Variants in LRRIQ3 observed in about 807,000 individuals in gnomAD.
LRRIQ3 encodes leucine rich repeats and IQ motif containing 3, also known as leucine-rich repeat and IQ domain-containing protein 3.
LRRIQ3 carries 75 observed loss-of-function variants against 59.3 expected under a neutral mutation model. The observed-to-expected ratio is 1.26, with a 90% CI of 1.05 to 1.53. The LOEUF (loss-of-function observed/expected upper bound fraction) is 1.53. Among genes scored for constraint, LRRIQ3 ranks in the 40% most tolerant of loss-of-function variants. The probability of loss-of-function intolerance (pLI) is 0.00; values close to 1 mark genes in which losing one functional copy is unlikely to be tolerated. For synonymous variants in LRRIQ3, 250 were observed against 231.3 expected (o/e 1.08, Z -0.73); for missense variants, 831 against 710.0 (o/e 1.17, Z -1.94).
chr1:74,151,297 A>G (rs1352351407), intron 4 of LRRIQ3, among the ~76,000 whole-genome samples: 21 of 151,956 alleles, frequency 1.4e-4, no homozygotes, highest in Non-Finnish European at 1.2e-4. Flanking sequence ...ACATGTAAAC[A>G]CTACTTTTTA....
chr1:74,047,890 T>G (rs1654251837), intron 6 of LRRIQ3, among the ~76,000 whole-genome samples: 1 of 152,152 alleles, frequency 6.6e-6, no homozygotes, highest in South Asian at 2.1e-4. Context: ...AATTTGGTCA[T>G]AAAGTGAAAC....
At chr1:74,041,177 A>T (rs753575110) in intron 7 of LRRIQ3, 36 bp downstream of exon 7, 1 of 1,442,942 alleles carries the variant, frequency 6.9e-7, no homozygotes, top group Non-Finnish European at 9.4e-7. Context: ...CATGTAATTG[A>T]CTTTAATGCC....
At position 74,032,104 on chromosome 1, in the gene LRRIQ3, TGATA is replaced by T. The variant is rs768646557; in HGVS notation, c.1719-5139_1719-5136del. On this transcript the variant is annotated intron_variant, in intron 7 of 7. Transcript: ENST00000354431. ...ACAATTAATATGCCAAGAGCCTCTA[TGATA>T]GAAATTAGAAATTAACATTTACATT... is the stretch of plus-strand genomic sequence containing the variant. Among the ~76,000 whole-genome samples the T allele has an allele frequency of 3.3e-5, 5 of 152,070 alleles. No individual in the cohort carries two copies. The East Asian group carries it at 9.6e-4, about 29-fold the overall frequency.
At chr1:74,114,786 A>T (rs1204215288) in intron 4 of LRRIQ3, among the ~76,000 whole-genome samples, 1 of 151,860 alleles carries the variant, frequency 6.6e-6, no homozygotes, top group African/African-American at 2.4e-5. Flanking sequence ...TACAATTAAA[A>T]ATCAATAAAG....
intron 3 of LRRIQ3, among the ~76,000 whole-genome samples, chr1:74,158,762 C>G (rs1381645020): frequency 1.3e-5 from 2 of 152,122 alleles, no homozygotes; most frequent in Non-Finnish European, 2.9e-5. Context: ...TTAAATAATA[C>G]TCTTGGATGC....
rs188908827 is a variant in LRRIQ3 at position 74,196,200 on chromosome 1, G to A, written c.-1+1796C>T. ...ATACTCTAATATTCTGTATGATACC[G>A]TCCTAGATCCAATAAATACTCTATT... On this transcript the variant is annotated intron_variant, in intron 1 of 7. Transcript: ENST00000354431. 1.3e-4 allele frequency among the ~76,000 whole-genome samples: 19 copies of A among 151,750 alleles called. No homozygotes were observed. In the East Asian group the frequency reaches 3.3e-3, roughly 26 times the overall value.
At chr1:74,165,567 C>A (rs771793123) in intron 3 of LRRIQ3, among the ~76,000 whole-genome samples, 3 of 151,386 alleles carry the variant, frequency 2.0e-5, no homozygotes. Context: ...AATTTCTTTT[C>A]CTTTTGTTTC....
chr1:74,067,144 G>A (rs1190419112), intron 6 of LRRIQ3, among the ~76,000 whole-genome samples: 5 of 152,114 alleles, frequency 3.3e-5, no homozygotes, highest in Non-Finnish European at 7.4e-5. Context: ...ATCCCATCAA[G>A]TCCAGAATCT....
At chr1:74,154,240 C>CAAAAAAAAAAAAAAAAAAAAAAAA (rs71078186) in intron 4 of LRRIQ3, among the ~76,000 whole-genome samples, 16 of 57,276 alleles carry the variant, frequency 2.8e-4, no homozygotes, top group Non-Finnish European at 3.3e-4. Context: ...GACTCCTTCT[C>CAAAAAAAAAAAAAAAAAAAAAAAA]AAAAAAAAAA....
chr1:74,053,567 C>T (rs983973603), intron 6 of LRRIQ3, among the ~76,000 whole-genome samples: 3 of 151,992 alleles, frequency 2.0e-5, no homozygotes, highest in Non-Finnish European at 2.9e-5. Flanking sequence ...CTGACTCACC[C>T]CTGTAATCTC....
At chr1:74,037,312 C>A (rs764302486) in intron 7 of LRRIQ3, among the ~76,000 whole-genome samples, 1 of 152,230 alleles carries the variant, frequency 6.6e-6, no homozygotes, top group Admixed American at 6.5e-5. Context: ...CCAAATCCTG[C>A]ACTGGCAACT....
At chr1:74,094,829 T>C (rs1450208210) in intron 5 of LRRIQ3, among the ~76,000 whole-genome samples, 1 of 152,138 alleles carries the variant, frequency 6.6e-6, no homozygotes, top group East Asian at 1.9e-4. Flanking sequence ...CATAAGCTTT[T>C]AGGTTTGCTC....
At chr1:74,060,508 T>C (rs1654692026) in intron 6 of LRRIQ3, among the ~76,000 whole-genome samples, 1 of 152,094 alleles carries the variant, frequency 6.6e-6, no homozygotes, top group Non-Finnish European at 1.5e-5. Flanking sequence ...CAGCACTGCT[T>C]TAGCTGAAAC....
At chr1:74,058,776 T>C (rs1489258599) in intron 6 of LRRIQ3, among the ~76,000 whole-genome samples, 1 of 152,098 alleles carries the variant, frequency 6.6e-6, no homozygotes, top group Non-Finnish European at 1.5e-5. Context: ...ATTCTAATTA[T>C]GCTATTGATC....
intron 5 of LRRIQ3, among the ~76,000 whole-genome samples, chr1:74,076,029 A>ACGTATTTT (rs1570074458): frequency 6.6e-6 from 1 of 152,268 alleles, no homozygotes. Flanking sequence ...GTAAAGAATA[A>ACGTATTTT]CGTATTTTGC....
At chr1:74,080,199 A>C (rs1452157377) in intron 5 of LRRIQ3, among the ~76,000 whole-genome samples, 8 of 151,746 alleles carry the variant, frequency 5.3e-5, no homozygotes, top group African/African-American at 1.9e-4. Flanking sequence ...TTAAAGAGCC[A>C]TCCTTAGGTA....
intron 4 of LRRIQ3, among the ~76,000 whole-genome samples, chr1:74,130,638 G>T (rs1299829314): frequency 3.9e-5 from 6 of 151,962 alleles, no homozygotes; most frequent in Admixed American, 2.6e-4. Context: ...TCTTCAATTT[G>T]GTGCTTCTGC....
intron 6 of LRRIQ3, among the ~76,000 whole-genome samples, chr1:74,043,626 G>A (rs1375896289): frequency 6.6e-6 from 1 of 152,116 alleles, no homozygotes; most frequent in Non-Finnish European, 1.5e-5. Context: ...TTAGTTGGTT[G>A]AACATAGTCC....
At chr1:74,106,241 C>T (rs1424398858) in intron 5 of LRRIQ3, among the ~76,000 whole-genome samples, 1 of 152,028 alleles carries the variant, frequency 6.6e-6, no homozygotes, top group East Asian at 1.9e-4. Context: ...TCTTTTCTTT[C>T]CACATGGTTG....
Sources: gnomAD v4.1 joint callset for allele counts (sites outside exome capture counted in the v4.1 genomes callset) on GRCh38, gnomAD v4.1.1 for gene constraint, MANE v1.5 for transcripts, NCBI Gene and HGNC (gene_info 2026-07-23, HGNC 2026-07-21) for gene names.